The following CCDC178 variants were observed in gnomAD, a reference collection of about 807,000 sequenced individuals.
CCDC178 encodes the protein coiled-coil domain-containing protein 178.
A neutral mutation model predicts 117.4 loss-of-function variants in CCDC178; 126 were observed. That is an observed-to-expected ratio of 1.07 (90% CI 0.93 to 1.24). CCDC178 has a LOEUF of 1.24. CCDC178 is among the 50% of genes most tolerant of loss of function. The pLI is 0.00. For synonymous variants in CCDC178, 283 were observed against 313.4 expected (o/e 0.90, Z 1.02); for missense variants, 1,030 against 986.9 (o/e 1.04, Z -0.59).
rs34863142 is a variant in CCDC178 at position 32,978,203 on chromosome 18, ATT to A, written c.2389-3524_2389-3523del. Among the ~76,000 whole-genome samples, 50 of 90,038 alleles carry A rather than the reference ATT, an allele frequency of 5.6e-4. No individual in the cohort carries two copies. The East Asian group carries it at 9.4e-3, about 17-fold the overall frequency. 59.1% of individuals were successfully genotyped at this position (90,038 alleles called of 152,430 possible). ...AAGAAAGAGTAATATCTCAAAAAAGATTTTTTTTTTTTTTTTTTTTTTTTGCG... is the reference window on the plus strand; with the variant it reads ...AAGAAAGAGTAATATCTCAAAAAAGATTTTTTTTTTTTTTTTTTTTTTGCG... On this transcript the variant is annotated intron_variant, in intron 21 of 22. Transcript: ENST00000383096.
At position 33,356,355 on chromosome 18, in the gene CCDC178, A is replaced by T. The variant is rs1317343647; in HGVS notation, c.349-9T>A. On this transcript the variant is annotated splice_polypyrimidine_tract_variant and intron_variant, in intron 6 of 22. Coordinates refer to ENST00000383096, the MANE Select transcript of CCDC178 (RefSeq NM_001105528.4). ...TCAAAAGAAGTTTCAAACTGTCAAA[A>T]CAAAAGATCTCAATAAAAATCAAAT... 1 of 1,478,398 alleles carries T rather than the reference A, an allele frequency of 6.8e-7. No homozygotes were observed. Among genetic ancestry groups the T allele is most frequent in the Non-Finnish European group, 9.1e-7 (1 of 1,095,588 alleles). 91.6% of individuals were successfully genotyped at this position (1,478,398 alleles called of 1,614,324 possible).
At chr18:33,275,106 GA>G (rs914876614) in intron 12 of CCDC178, among the ~76,000 whole-genome samples, 3 of 151,666 alleles carry the variant, frequency 2.0e-5, no homozygotes, top group Non-Finnish European at 4.4e-5. Context: ...TGGCTAATAA[GA>G]AAAAAATGTA....
At chr18:33,384,204 T>C (rs189456029) in intron 5 of CCDC178, among the ~76,000 whole-genome samples, 2 of 152,176 alleles carry the variant, frequency 1.3e-5, no homozygotes, top group South Asian at 2.1e-4. Flanking sequence ...CTGAGAACTA[T>C]GGGATTATGT....
At position 32,951,658 on chromosome 18, in the gene CCDC178, C is replaced by A. The variant is rs146352731; in HGVS notation, c.2524-13567G>T. ...CATTCTGCCCCAGCTCCTCCCAAAT[C>A]TCATGTCCTCACATTTCAAAACACA... On this transcript the variant is annotated intron_variant, in intron 22 of 22. Coordinates refer to ENST00000383096, the MANE Select transcript of CCDC178 (RefSeq NM_001105528.4). Among the ~76,000 whole-genome samples the A allele has an allele frequency of 3.8e-3, 576 of 152,320 alleles. 5 individuals carry two copies. Among genetic ancestry groups the A allele is most frequent in the African/African-American group, 0.013 (551 of 41,560 alleles).
chr18:33,260,940 C>T (rs1200440844), intron 14 of CCDC178, among the ~76,000 whole-genome samples: 2 of 152,084 alleles, frequency 1.3e-5, no homozygotes, highest in East Asian at 1.9e-4. Context: ...ACATGAGTAA[C>T]GAGTCATTTT....
intron 21 of CCDC178, among the ~76,000 whole-genome samples, chr18:33,024,648 T>TATC (rs1461759854): frequency 2.0e-5 from 3 of 151,860 alleles, no homozygotes; most frequent in Non-Finnish European, 2.9e-5. Flanking sequence ...TTATTATTAT[T>TATC]ATCATTTTTT....
rs370365867 is a variant in CCDC178, at chr18:33,203,461, G to A, written c.2238+8435C>T. Among the ~76,000 whole-genome samples the A allele has an allele frequency of 4.6e-5, 7 of 152,006 alleles. No individual in the cohort carries two copies. In the East Asian group the frequency reaches 7.7e-4, roughly 17 times the overall value. On this transcript the variant is annotated intron_variant, in intron 20 of 22. Coordinates refer to ENST00000383096, the MANE Select transcript of CCDC178 (RefSeq NM_001105528.4). ...GCTTTATTGATATGCCTAGTAACTC[G>A]TTCACAAGCCAAGATAATTTACATA...
chr18:33,211,491 G>A (rs747828883), intron 20 of CCDC178, among the ~76,000 whole-genome samples: 1 of 151,688 alleles, frequency 6.6e-6, no homozygotes, highest in South Asian at 2.1e-4. Context: ...TACAGGAGAA[G>A]AGCGTGACAT....
chr18:33,203,270 G>A (rs1027629213), intron 20 of CCDC178, among the ~76,000 whole-genome samples: 11 of 151,918 alleles, frequency 7.2e-5, no homozygotes, highest in Admixed American at 7.2e-4. Flanking sequence ...AAAGATATTA[G>A]GTGCCACATA....
In CCDC178 at chr18:33,387,589, C is replaced by T. The variant is rs141982586; in HGVS notation, c.208+1951G>A. On this transcript the variant is annotated intron_variant, in intron 5 of 22. Transcript: ENST00000383096. ...ACAACCATCTGATCTTCGACAAACT[C>T]GACAAAAAGAAGCAATGGGGAAACG... is the stretch of plus-strand genomic sequence containing the variant. Among the ~76,000 whole-genome samples, 22 of 152,086 alleles carry T rather than the reference C, an allele frequency of 1.4e-4. No individual in the cohort carries two copies. The East Asian group carries it at 3.7e-3, about 25-fold the overall frequency.
intron 21 of CCDC178, among the ~76,000 whole-genome samples, chr18:33,028,560 A>G (rs1334982490): frequency 4.0e-5 from 6 of 151,670 alleles, no homozygotes; most frequent in Non-Finnish European, 8.9e-5. Flanking sequence ...TAAAGTTATG[A>G]TGTTGTGGTT....
chr18:33,361,834 C>A (rs1191803376), intron 6 of CCDC178, among the ~76,000 whole-genome samples: 1 of 151,428 alleles, frequency 6.6e-6, no homozygotes, highest in Non-Finnish European at 1.5e-5. Context: ...AAAAGGGAGC[C>A]CTAGTACAAC....
chr18:33,365,148 G>A (rs1023582902), intron 6 of CCDC178, among the ~76,000 whole-genome samples: 4 of 152,074 alleles, frequency 2.6e-5, no homozygotes, highest in Non-Finnish European at 5.9e-5. Flanking sequence ...ATCAGCATTT[G>A]AAGTGCTCAT....
chr18:33,266,934 G>A lies in CCDC178; in HGVS notation c.1391C>T (p.Thr464Ile). 1 of 1,577,912 alleles carries A rather than the reference G, an allele frequency of 6.3e-7. No homozygotes were observed. The highest frequency in any genetic ancestry group is 8.6e-7 in the Non-Finnish European group (1 of 1,166,144). The change falls in exon 14 of 23, where the codon ACA (threonine) becomes ATA (isoleucine). Residue 464 changes from threonine (T) to isoleucine (I), a missense_variant. Thr to Ile is a moderately conservative substitution (Grantham distance 89). Coordinates refer to ENST00000383096, the MANE Select transcript of CCDC178 (RefSeq NM_001105528.4). ...KKLEIDINKI[T>I]VKTNESIRKK... ...AATTTACCTTTCATTGGTTTTTACT[G>A]TTATTTTGTTAATATCAATCTCAAG...
At chr18:33,394,677 A>G (rs977270186) in intron 4 of CCDC178, among the ~76,000 whole-genome samples, 3 of 151,650 alleles carry the variant, frequency 2.0e-5, no homozygotes, top group African/African-American at 7.3e-5. Context: ...ATTTTCCTTA[A>G]GCATATCTTG....
chr18:33,186,648 T>A (rs1568041801), intron 20 of CCDC178, among the ~76,000 whole-genome samples: 1 of 152,050 alleles, frequency 6.6e-6, no homozygotes, highest in Non-Finnish European at 1.5e-5. Flanking sequence ...AGATTGTTAC[T>A]TTTTCTTTCA....
chr18:33,045,422 T>A (rs1407355424), intron 21 of CCDC178, among the ~76,000 whole-genome samples: 1 of 152,126 alleles, frequency 6.6e-6, no homozygotes, highest in Non-Finnish European at 1.5e-5. Context: ...GAGCATGTAG[T>A]GGGTGCTTAA....
At chr18:32,946,962 A>G (rs1307792388) in intron 22 of CCDC178, among the ~76,000 whole-genome samples, 1 of 151,672 alleles carries the variant, frequency 6.6e-6, no homozygotes, top group African/African-American at 2.4e-5. Flanking sequence ...TTGTATTTTT[A>G]GTAGAGACGG....
rs71159804 is a variant in CCDC178 at position 33,179,078 on chromosome 18, A to AAATATATATAT, written c.2238+32817_2238+32818insATATATATATT. On this transcript the variant is annotated intron_variant, in intron 20 of 22. Coordinates refer to ENST00000383096, the MANE Select transcript of CCDC178 (RefSeq NM_001105528.4). ...ACTCAGTAAAAAAAAAAAAAAAAAA[A>AAATATATATAT]ATATATATATATATATATATATATA... Among the ~76,000 whole-genome samples, 40 of 55,816 alleles carry AAATATATATAT rather than the reference A, an allele frequency of 7.2e-4. 3 individuals carry two copies. The highest frequency in any genetic ancestry group is 5.7e-4 in the African/African-American group (5 of 8,840). 36.6% of individuals were successfully genotyped at this position (55,816 alleles called of 152,430 possible).
Sources: gnomAD v4.1 joint callset for allele counts (sites outside exome capture counted in the v4.1 genomes callset) on GRCh38, gnomAD v4.1.1 for gene constraint, MANE v1.5 for transcripts, NCBI Gene and HGNC (gene_info 2026-07-23, HGNC 2026-07-21) for gene names.